FAM135B: variants seen among roughly 807,000 people sequenced by gnomAD.
The protein encoded by FAM135B is protein FAM135B.
A neutral mutation model predicts 127.7 loss-of-function variants in FAM135B; 43 were observed. That is an observed-to-expected ratio of 0.34 (90% confidence interval 0.26 to 0.43). FAM135B has a LOEUF of 0.43. Ranked by LOEUF, FAM135B falls within the 20% of genes least tolerant of loss-of-function variation. The pLI is 1.00. For synonymous variants in FAM135B, 670 were observed against 665.1 expected (o/e 1.01, Z -0.11); for missense variants, 1,558 against 1,725.6 (o/e 0.90, Z 1.72).
intron 7 of FAM135B, among the ~76,000 whole-genome samples, chr8:138,228,448 T>C (rs1238257090): frequency 6.6e-6 from 1 of 152,148 alleles, no homozygotes; most frequent in Non-Finnish European, 1.5e-5. Flanking sequence ...TCAAGGTTGT[T>C]TACCACTACT....
chr8:138,479,212 G>A (rs1041206312), intron 1 of FAM135B, among the ~76,000 whole-genome samples: 21 of 152,168 alleles, frequency 1.4e-4, no homozygotes, highest in African/African-American at 4.3e-4. Context: ...ACCAACCAGT[G>A]AGCCCTCTGA....
intron 1 of FAM135B, among the ~76,000 whole-genome samples, chr8:138,390,320 A>G (rs1832477070): frequency 6.6e-6 from 1 of 152,088 alleles, no homozygotes; most frequent in Non-Finnish European, 1.5e-5. Context: ...TTTTCATGGT[A>G]GTGAATAAGT....
At chr8:138,144,540 A>G (rs537946967) in intron 15 of FAM135B, among the ~76,000 whole-genome samples, 5 of 152,320 alleles carry the variant, frequency 3.3e-5, no homozygotes, top group Non-Finnish European at 7.3e-5. Flanking sequence ...AAGTGGCTAT[A>G]ATTATGAGGC....
At chr8:138,265,884 T>C in intron 3 of FAM135B, 42 bp from the exon 4 acceptor site, 1 of 1,584,920 alleles carries the variant, frequency 6.3e-7, no homozygotes, top group Non-Finnish European at 8.6e-7. Flanking sequence ...ACTCCAATAC[T>C]GTCCTGTACC....
chr8:138,149,999 T>C (rs564010807), intron 13 of FAM135B, among the ~76,000 whole-genome samples: 53 of 152,300 alleles, frequency 3.5e-4, no homozygotes, highest in African/African-American at 1.3e-3. Context: ...ACATTCTTTA[T>C]AAAACAAAAA....
intron 2 of FAM135B, among the ~76,000 whole-genome samples, chr8:138,337,907 A>G (rs1171503218): frequency 6.6e-6 from 1 of 152,156 alleles, no homozygotes; most frequent in African/African-American, 2.4e-5. Flanking sequence ...GTACCAAAAC[A>G]GAGATATAGA....
At chr8:138,188,213 A>T (rs984834901) in intron 9 of FAM135B, among the ~76,000 whole-genome samples, 3 of 152,186 alleles carry the variant, frequency 2.0e-5, no homozygotes, top group African/African-American at 7.2e-5. Context: ...AGGTATAGTA[A>T]GAAAAGGGCT....
At chr8:138,318,605 G>A (rs1273326606) in intron 2 of FAM135B, among the ~76,000 whole-genome samples, 1 of 152,168 alleles carries the variant, frequency 6.6e-6, no homozygotes. Context: ...TTGGCAAAGG[G>A]CAACCAGGAT....
In FAM135B at chr8:138,410,656, A is replaced by T. The variant is rs558978347; in HGVS notation, c.-19-42654T>A. ...ACAACAGATGTTGGCAAGGCTGTGG[A>T]GAAAAGCATTCGCTCATACACTGCT... On this transcript the variant is annotated intron_variant, in intron 1 of 19. Transcript: ENST00000395297. 3.3e-5 allele frequency among the ~76,000 whole-genome samples: 5 copies of T among 152,220 alleles called. No individual in the cohort carries two copies. In the South Asian group the frequency reaches 8.3e-4, roughly 25 times the overall value.
At chr8:138,274,370 G>T (rs948205187) in intron 3 of FAM135B, among the ~76,000 whole-genome samples, 1 of 152,184 alleles carries the variant, frequency 6.6e-6, no homozygotes, top group Non-Finnish European at 1.5e-5. Context: ...AGTTTCAAAA[G>T]GGGAGGGAAT....
chr8:138,457,271 G>A (rs1255507087), intron 1 of FAM135B, among the ~76,000 whole-genome samples: 1 of 152,124 alleles, frequency 6.6e-6, no homozygotes. Flanking sequence ...CCAACACTGA[G>A]CAGGAGTGAG....
intron 8 of FAM135B, 117 bp downstream of exon 8, chr8:138,197,399 C>A: frequency 7.8e-7 from 1 of 1,283,580 alleles, no homozygotes; most frequent in Non-Finnish European, 1.1e-6. Flanking sequence ...CCCAAACCTA[C>A]CTGGACCAGG....
intron 1 of FAM135B, among the ~76,000 whole-genome samples, chr8:138,405,445 T>C (rs1406547991): frequency 6.8e-6 from 1 of 147,728 alleles, no homozygotes; most frequent in Non-Finnish European, 1.5e-5. Flanking sequence ...TTCCCACCTA[T>C]GAGTGAGAAC....
chr8:138,322,389 G>T (rs1281756114), intron 2 of FAM135B, among the ~76,000 whole-genome samples: 2 of 152,190 alleles, frequency 1.3e-5, no homozygotes, highest in East Asian at 1.9e-4. Context: ...GTGCTATATT[G>T]TTCCCCAAAA....
intron 17 of FAM135B, among the ~76,000 whole-genome samples, chr8:138,140,316 G>A (rs1336086722): frequency 6.6e-6 from 1 of 152,234 alleles, no homozygotes; most frequent in East Asian, 1.9e-4. Flanking sequence ...AGATTGCAGG[G>A]ACAAGGAAGC....
At chr8:138,317,569 C>T (rs1827186988) in intron 2 of FAM135B, among the ~76,000 whole-genome samples, 1 of 152,128 alleles carries the variant, frequency 6.6e-6, no homozygotes, top group African/African-American at 2.4e-5. Context: ...TGTGATTCTA[C>T]AACTAACTCA....
At chr8:138,357,914 A>T (rs1024404618) in intron 2 of FAM135B, among the ~76,000 whole-genome samples, 10 of 152,188 alleles carry the variant, frequency 6.6e-5, no homozygotes, top group South Asian at 2.1e-4. Flanking sequence ...AGGAATAAAC[A>T]TGGTGTCCGT....
intron 1 of FAM135B, among the ~76,000 whole-genome samples, chr8:138,410,113 A>G (rs1833773777): frequency 6.6e-6 from 1 of 152,126 alleles, no homozygotes; most frequent in African/African-American, 2.4e-5. Context: ...TGGAGCTGCC[A>G]CTGTAAAGGC....
rs1407590598 is a variant in FAM135B, at chr8:138,167,929, G to A, written c.1224C>T (p.Ile408=). The change falls in exon 12 of 20, where the codon ATC becomes ATT. Residue 408 remains isoleucine, a synonymous_variant. Transcript: ENST00000395297. The part of the protein sequence containing the change: ...IDGDWNTLPV[I]FEDRYVDCPA... Reference sequence around the variant, plus strand: ...GGCAGTCCACGTATCTGTCCTCAAAGATCACCGGCAGGGTGTTCCAATCGC... The same window carrying A: ...GGCAGTCCACGTATCTGTCCTCAAAAATCACCGGCAGGGTGTTCCAATCGC... 6.2e-7 allele frequency: 1 copy of A among 1,613,620 alleles called. No individual in the cohort carries two copies. The highest frequency in any genetic ancestry group is 1.3e-5 in the African/African-American group (1 of 74,970).
Sources: gnomAD v4.1 joint callset for allele counts (sites outside exome capture counted in the v4.1 genomes callset) on GRCh38, gnomAD v4.1.1 for gene constraint, MANE v1.5 for transcripts, NCBI Gene and HGNC (gene_info 2026-07-23, HGNC 2026-07-21) for gene names.